The following MAP4K5 variants were observed in gnomAD, a reference collection of about 807,000 sequenced individuals.
The protein encoded by MAP4K5 is mitogen-activated protein kinase kinase kinase kinase 5, also known as MAPK/ERK kinase kinase kinase 5.
MAP4K5 carries 82 observed loss-of-function variants against 135.6 expected under a neutral mutation model. That is an observed-to-expected ratio of 0.60 (90% confidence interval 0.51 to 0.73). The LOEUF is 0.73. MAP4K5 is among the 30% of genes least tolerant of loss of function. MAP4K5 has a pLI of 0.00. For missense variants in MAP4K5, 907 were observed against 1,010.9 expected, an observed-to-expected ratio of 0.90 and a Z score of 1.39; for synonymous variants, 347 against 335.0, an observed-to-expected ratio of 1.04 and a Z score of -0.39.
chr14:50,546,395 A>T (rs574498999), intron 1 of MAP4K5, among the ~76,000 whole-genome samples: 12 of 151,652 alleles, frequency 7.9e-5, no homozygotes, highest in African/African-American at 2.7e-4. Flanking sequence ...TGTGTGTGTG[A>T]GAGAGCATAC....
chr14:50,513,676 G>A (rs2140057677), intron 2 of MAP4K5, among the ~76,000 whole-genome samples: 1 of 152,022 alleles, frequency 6.6e-6, no homozygotes, highest in African/African-American at 2.4e-5. Context: ...AAAAGCTCCT[G>A]TATTTCTCTG....
intron 3 of MAP4K5, among the ~76,000 whole-genome samples, chr14:50,487,138 C>G (rs1393509947): frequency 2.0e-5 from 3 of 152,118 alleles, no homozygotes; most frequent in Non-Finnish European, 4.4e-5. Flanking sequence ...GTTTAAACAT[C>G]TATTTAGTTT....
At chr14:50,495,596 G>A (rs116257880) in intron 3 of MAP4K5, among the ~76,000 whole-genome samples, 38 of 152,312 alleles carry the variant, frequency 2.5e-4, no homozygotes, top group African/African-American at 8.9e-4. Context: ...GGATCTCAAA[G>A]AGAGATTTGT....
intron 11 of MAP4K5, 49 bp from the exon 12 acceptor site, chr14:50,464,182 C>T (rs369603771): frequency 3.1e-5 from 28 of 892,214 alleles, no homozygotes; most frequent in Middle Eastern, 2.4e-4. Flanking sequence ...TATTACGTTT[C>T]GGTGTTAGTA....
intron 25 of MAP4K5, 104 bp from the exon 26 acceptor site, chr14:50,437,638 T>C (rs923107546): frequency 3.8e-6 from 3 of 789,954 alleles, no homozygotes; most frequent in Admixed American, 5.9e-5. Flanking sequence ...CTTAAAAAAC[T>C]GTCTTGGATC....
At chr14:50,495,436 T>G (rs561976005) in intron 3 of MAP4K5, among the ~76,000 whole-genome samples, 1 of 152,200 alleles carries the variant, frequency 6.6e-6, no homozygotes, top group South Asian at 2.1e-4. Context: ...TTAGAGGTGA[T>G]GTGGAGAAGC....
intron 6 of MAP4K5, among the ~76,000 whole-genome samples, chr14:50,478,496 G>C (rs2037158353): frequency 6.6e-6 from 1 of 151,956 alleles, no homozygotes; most frequent in Non-Finnish European, 1.5e-5. Flanking sequence ...TGGAAGCTGA[G>C]GATACTGATT....
At chr14:50,423,052 T>C in intron 32 of MAP4K5, 69 bp downstream of exon 32, 1 of 681,764 alleles carries the variant, frequency 1.5e-6, no homozygotes, top group Non-Finnish European at 2.5e-6. Flanking sequence ...AATTACAGAC[T>C]GACAGTATAA....
intron 10 of MAP4K5, 138 bp downstream of exon 10, chr14:50,468,513 G>A: frequency 1.2e-6 from 1 of 814,160 alleles, no homozygotes; most frequent in Non-Finnish European, 1.9e-6. Flanking sequence ...ATAGGTTTTG[G>A]ATGAGATTAC....
chr14:50,540,067 G>C (rs984062268), intron 2 of MAP4K5, among the ~76,000 whole-genome samples: 3 of 152,190 alleles, frequency 2.0e-5, no homozygotes, highest in Non-Finnish European at 4.4e-5. Flanking sequence ...GCCCTCAGTG[G>C]ATTAGAGATG....
rs552479328 is a variant in MAP4K5 at position 50,560,169 on chromosome 14, CGCGG to C, written c.-180+867_-180+870del. 53 of 1,451,804 alleles carry C rather than the reference CGCGG, an allele frequency of 3.7e-5. 1 individual carries two copies. In the African/African-American group the frequency reaches 4.1e-4, roughly 11 times the overall value. The allele number at this position is 1,451,804 out of a possible 1,614,324, so 89.9% of individuals were successfully genotyped here. A position where few individuals can be genotyped will look rare whatever the true frequency, so the allele number is the denominator to read the frequency against. ...CAGAGTCTGAGCGAACTGCGCCCAG[CGCGG>C]GCACGGAGCCTCCCACCGCCAGCAA... On this transcript the variant is annotated intron_variant, in intron 1 of 8. Transcript: ENST00000555216.
intron 6 of MAP4K5, among the ~76,000 whole-genome samples, chr14:50,477,267 A>G (rs2037122925): frequency 6.6e-6 from 1 of 152,154 alleles, no homozygotes; most frequent in Non-Finnish European, 1.5e-5. Flanking sequence ...TTTTAACTTC[A>G]GATTGTCCGT....
chr14:50,499,064 A>C (rs537223359), intron 3 of MAP4K5, among the ~76,000 whole-genome samples: 33 of 152,244 alleles, frequency 2.2e-4, no homozygotes, highest in Non-Finnish European at 1.5e-4. Context: ...TGTGAAAAAT[A>C]CCATCTACTT....
At chr14:50,547,475 A>C (rs532909420) in intron 1 of MAP4K5, among the ~76,000 whole-genome samples, 1 of 152,352 alleles carries the variant, frequency 6.6e-6, no homozygotes, top group Non-Finnish European at 1.5e-5. Context: ...AGGAGCAAAA[A>C]GAATATGGGC....
Position 50,513,894 on chromosome 14 carries a change from T to C in MAP4K5, c.109-9037A>G, listed in dbSNP as rs2037979413. 2.0e-5 allele frequency among the ~76,000 whole-genome samples: 3 copies of C among 152,172 alleles called. No individual in the cohort carries two copies. The South Asian group carries it at 6.2e-4, about 31-fold the overall frequency. ...AGTGACTGCTTCTCAGAGTCATAAT[T>C]ATGTATTCCAGATTTAAGAACATGA... is the stretch of plus-strand genomic sequence containing the variant. On this transcript the variant is annotated intron_variant, in intron 2 of 32. Transcript: ENST00000682126.
At chr14:50,537,704 G>T (rs1464270527) in intron 2 of MAP4K5, among the ~76,000 whole-genome samples, 1 of 152,262 alleles carries the variant, frequency 6.6e-6, no homozygotes, top group African/African-American at 2.4e-5. Context: ...AGTCAAAGGA[G>T]ATCATTTTGG....
intron 5 of MAP4K5, among the ~76,000 whole-genome samples, chr14:50,483,879 T>C (rs1053491984): frequency 1.4e-5 from 2 of 140,108 alleles, no homozygotes; most frequent in African/African-American, 5.4e-5. Context: ...TATTTATTTA[T>C]TGAGACAGTC....
chr14:50,486,925 A>G (rs1204657022), intron 3 of MAP4K5, among the ~76,000 whole-genome samples: 5 of 152,196 alleles, frequency 3.3e-5, no homozygotes, highest in South Asian at 2.1e-4. Context: ...GCTCTAACTC[A>G]AAGTCATCTT....
At chr14:50,451,659 T>C (rs796823872) in intron 14 of MAP4K5, among the ~76,000 whole-genome samples, 1 of 151,956 alleles carries the variant, frequency 6.6e-6, no homozygotes, top group African/African-American at 2.4e-5. Flanking sequence ...ACAGATATGT[T>C]ACAGGTTTTT....
Sources: allele counts gnomAD v4.1 joint callset (sites outside exome capture counted in the v4.1 genomes callset), GRCh38; gene constraint gnomAD v4.1.1; transcripts MANE v1.5; gene names NCBI Gene and HGNC (gene_info 2026-07-23, HGNC 2026-07-21).